The following HSPG2 variants were observed in gnomAD, a reference collection of about 807,000 sequenced individuals.
HSPG2 encodes basement membrane-specific heparan sulfate proteoglycan core protein.
In HSPG2, 278 loss-of-function variants were observed where a neutral mutation model predicts 526.6. The observed-to-expected ratio is 0.53, with a 90% CI of 0.48 to 0.58. The LOEUF (loss-of-function observed/expected upper bound fraction) is 0.58, where lower values mean the gene tolerates loss of function less well. Among genes scored for constraint, HSPG2 ranks in the 20% least tolerant of loss-of-function variants. HSPG2 has a pLI of 0.00. For synonymous variants in HSPG2, 2,465 were observed against 2,555.4 expected (o/e 0.96, Z 1.07); for missense variants, 5,354 against 6,099.5 (o/e 0.88, Z 4.07).
intron 1 of HSPG2, among the ~76,000 whole-genome samples, chr1:21,935,165 A>G (rs1043246311): frequency 1.3e-5 from 2 of 152,036 alleles, no homozygotes; most frequent in African/African-American, 2.4e-5. Flanking sequence ...GTGGCCTCCC[A>G]AAGTGCTGGG....
Position 21,908,287 on chromosome 1 carries a change from G to T in HSPG2, c.64-11977C>A, listed in dbSNP as rs906540717. 4.8e-6 allele frequency: 5 copies of T among 1,043,092 alleles called. No individual in the cohort carries two copies. The African/African-American group carries it at 7.8e-5, about 16-fold the overall frequency. The allele number at this position is 1,043,092 out of a possible 1,614,324, so 64.6% of individuals were successfully genotyped here. A position where few individuals can be genotyped will look rare whatever the true frequency, so the allele number is the denominator to read the frequency against. ...GTGTTACCATGGCAAAACTGGAAGAGTCTACAATGTTATCCAGTATGCTGC... is the reference window on the plus strand; with the variant it reads ...GTGTTACCATGGCAAAACTGGAAGATTCTACAATGTTATCCAGTATGCTGC... On this transcript the variant is annotated intron_variant, in intron 1 of 96. Coordinates refer to ENST00000374695, the MANE Select transcript of HSPG2 (RefSeq NM_005529.7).
chr1:21,872,764 G>T lies in HSPG2; in HGVS notation c.3889-4C>A. ...AAGTGAGGCCTTCCACCTGGGCCTG[G>T]GTAGACGGATGGAAGGAGGCAGGCA... On this transcript the variant is annotated splice_polypyrimidine_tract_variant and splice_region_variant and intron_variant, in intron 31 of 96. Transcript: ENST00000374695. The surrounding 1 kb of genome is among the most constrained non-coding windows in gnomAD (Gnocchi z 5.5). 1 of 1,607,758 alleles carries T rather than the reference G, an allele frequency of 6.2e-7. No individual in the cohort carries two copies. The highest frequency in any genetic ancestry group is 1.7e-5 in the Admixed American group (1 of 58,508).
At chr1:21,926,256 G>A (rs1644187819) in intron 1 of HSPG2, among the ~76,000 whole-genome samples, 1 of 152,204 alleles carries the variant, frequency 6.6e-6, no homozygotes, top group South Asian at 2.1e-4. Flanking sequence ...GCTCTAAAGA[G>A]GGTGGCAGTT....
At position 21,859,577 on chromosome 1, in the gene HSPG2, A is replaced by G. The variant is rs1466369320; in HGVS notation, c.5282T>C (p.Leu1761Pro). Reference sequence around the variant, plus strand: ...GCGTAGGGACTCACCAGTGACCAGCAGCTCTGCCCGGCTGGTATTGGATTG... The same window carrying G: ...GCGTAGGGACTCACCAGTGACCAGCGGCTCTGCCCGGCTGGTATTGGATTG... ...LHQSNTSRAELLVTEAPSKPI... is the reference protein window; with the variant it reads ...LHQSNTSRAEPLVTEAPSKPI... The change falls in exon 42 of 97, where the codon CTG becomes CCG. Residue 1761 changes from leucine (L) to proline (P), a missense_variant. Coordinates refer to ENST00000374695, the MANE Select transcript of HSPG2 (RefSeq NM_005529.7). The surrounding 1 kb of genome is among the most constrained non-coding windows in gnomAD (Gnocchi z 5.3). 1 of 1,597,850 alleles carries G rather than the reference A, an allele frequency of 6.3e-7. No individual in the cohort carries two copies. The highest frequency in any genetic ancestry group is 8.5e-7 in the Non-Finnish European group (1 of 1,171,608).
rs764778166 is a variant in HSPG2, at chr1:21,844,156, G to A, written c.8608C>T (p.Arg2870Trp). Residue 2870 changes from arginine to tryptophan, a missense_variant, in exon 65 of 97, where the codon CGG (arginine) becomes TGG (tryptophan). By Grantham distance (101) the Arg-to-Trp change is moderately radical. Coordinates refer to ENST00000374695, the MANE Select transcript of HSPG2 (RefSeq NM_005529.7). ...WHKRGGNLPA[R>W]HQVHGPLLRL... ...TTCTCCAGCTCCTTTACCTGGTGCC[G>A]GGCAGGGAGGTTTCCTCCACGCTTG... The A allele has an allele frequency of 1.2e-5, 20 of 1,613,074 alleles. No homozygotes were observed. Among genetic ancestry groups the A allele is most frequent in the Admixed American group, 1.2e-4 (7 of 60,028 alleles).
At chr1:21,928,556 T>G (rs1644266057) in intron 1 of HSPG2, among the ~76,000 whole-genome samples, 1 of 152,178 alleles carries the variant, frequency 6.6e-6, no homozygotes, top group African/African-American at 2.4e-5. Flanking sequence ...TTCTCCTACC[T>G]CAGCCTCCTG....
intron 1 of HSPG2, among the ~76,000 whole-genome samples, chr1:21,936,501 T>C (rs1644492381): frequency 6.6e-6 from 1 of 152,162 alleles, no homozygotes; most frequent in Admixed American, 6.5e-5. Context: ...GCCGTGCATT[T>C]TGAGTTCCCT....
At chr1:21,885,197 G>T in intron 10 of HSPG2, 40 bp from the exon 11 acceptor site, 1 of 1,600,814 alleles carries the variant, frequency 6.2e-7, no homozygotes, top group Non-Finnish European at 8.5e-7. Flanking sequence ...CGGGGGCAAA[G>T]GAAGGAGGAG....
chr1:21,914,884 A>T (rs572346812), intron 1 of HSPG2, among the ~76,000 whole-genome samples: 2 of 152,110 alleles, frequency 1.3e-5, no homozygotes, highest in East Asian at 3.9e-4. Flanking sequence ...CACCTGCCTG[A>T]CCCCCAAAAG....
At chr1:21,909,304 T>C (rs1303306375) in intron 1 of HSPG2, among the ~76,000 whole-genome samples, 1 of 151,834 alleles carries the variant, frequency 6.6e-6, no homozygotes, top group African/African-American at 2.4e-5. Flanking sequence ...TAAAGAAATA[T>C]AAGAAAAACT....
Position 21,823,314 on chromosome 1 carries a change from G to A in HSPG2, c.*2C>T. 1.3e-6 allele frequency: 2 copies of A among 1,528,734 alleles called. No individual in the cohort carries two copies. Among genetic ancestry groups the A allele is most frequent in the African/African-American group, 2.7e-5 (2 of 72,926 alleles). The allele number at this position is 1,528,734 out of a possible 1,614,324, so 94.7% of individuals were successfully genotyped here. ...GGGAGTCCGTGTGGGGCAGGCAGGT[G>A]CCTACGAGGGGCAGGGGCGTGTGTT... On this transcript the variant is annotated 3_prime_UTR_variant, in exon 97 of 97. Transcript: ENST00000374695.
At chr1:21,854,387 G>T (rs1639168334) in intron 49 of HSPG2, 44 bp from the exon 50 acceptor site, 1 of 1,551,158 alleles carries the variant, frequency 6.4e-7, no homozygotes, top group Non-Finnish European at 8.7e-7. Flanking sequence ...AGGGACGGGG[G>T]CTATTGTCAC....
rs1019598596 is a variant in HSPG2, at chr1:21,888,048, G to C, written c.593C>G (p.Ala198Gly). 6.2e-7 allele frequency: 1 copy of C among 1,614,074 alleles called. No individual in the cohort carries two copies. The highest frequency in any genetic ancestry group is 1.7e-5 in the Admixed American group (1 of 60,028). ...GCAGGCAAACTCGGCCTCCGTGCAG[G>C]CTCTTGGGAACTGGGGCACTGCAGG... ...RLGTVPQFPR[A>G]CTEAEFACHS... Residue 198 changes from alanine (A) to glycine (G), a missense_variant, in exon 7 of 97, where the codon GCC becomes GGC. Physicochemically the swap from Ala to Gly is moderately conservative, Grantham distance 60. Transcript: ENST00000374695.
chr1:21,887,096 G>A lies in HSPG2; in HGVS notation c.1078+119C>T, dbSNP rs1383234340. On this transcript the variant is annotated intron_variant, in intron 9 of 96. Transcript: ENST00000374695. The surrounding 1 kb of genome is among the most constrained non-coding windows in gnomAD (Gnocchi z 5.0). Reference sequence around the variant, plus strand: ...GGAGAGCAAACAAACAGGCTTGGGGGACTGGGGAGGGGGGAAAGCGGAGGG... The same window carrying A: ...GGAGAGCAAACAAACAGGCTTGGGGAACTGGGGAGGGGGGAAAGCGGAGGG... 1.7e-6 allele frequency: 2 copies of A among 1,161,166 alleles called. No homozygotes were observed. The highest frequency in any genetic ancestry group is 3.1e-5 in the African/African-American group (2 of 64,496). 71.9% of individuals were successfully genotyped at this position (1,161,166 alleles called of 1,614,324 possible). A position where few individuals can be genotyped will look rare whatever the true frequency, so the allele number is the denominator to read the frequency against.
Position 21,823,414 on chromosome 1 carries a change from C to G in HSPG2, c.13078G>C (p.Val4360Leu). 1 of 1,582,756 alleles carries G rather than the reference C, an allele frequency of 6.3e-7. No individual in the cohort carries two copies. Among genetic ancestry groups the G allele is most frequent in the Non-Finnish European group, 8.6e-7 (1 of 1,169,280 alleles). The change falls in exon 97 of 97, where the codon GTG becomes CTG. Residue 4360 changes from valine (V) to leucine (L), a missense_variant. Transcript: ENST00000374695. ...GCGCCGGGTCGGGCCGAGTGCAGCA[C>G]CAGGTTCTTGACACAGCCTGTGATG... ...SGITGCVKNL[V>L]LHSARPGAPP...
rs371718047 is a variant in HSPG2, at chr1:21,895,653, T to G, written c.244+269A>C. Among the ~76,000 whole-genome samples the G allele has an allele frequency of 2.6e-5, 4 of 152,190 alleles. No individual in the cohort carries two copies. The highest frequency in any genetic ancestry group is 2.6e-4 in the Admixed American group (4 of 15,290). On this transcript the variant is annotated intron_variant, in intron 3 of 96. Transcript: ENST00000374695. This position sits in a 1 kb window ranked among gnomAD's most constrained non-coding sequence, Gnocchi z 4.1. Reference sequence around the variant, plus strand: ...TGAATGTGAAACAGCTGACTGGCTGTCAGTCCCCAGCAGAACTGGGCTTTA... The same window carrying G: ...TGAATGTGAAACAGCTGACTGGCTGGCAGTCCCCAGCAGAACTGGGCTTTA...
chr1:21,919,370 G>A (rs1643968530), intron 1 of HSPG2, among the ~76,000 whole-genome samples: 2 of 150,202 alleles, frequency 1.3e-5, no homozygotes, highest in Admixed American at 6.7e-5. Context: ...AGGTTGCAGT[G>A]AGCCAAGATT....
intron 57 of HSPG2, 127 bp from the exon 58 acceptor site, chr1:21,849,158 GA>G (rs1480634409): frequency 9.0e-7 from 1 of 1,109,326 alleles, no homozygotes; most frequent in Non-Finnish European, 1.3e-6. Flanking sequence ...CTCTTCCAGG[GA>G]AAACCACCTT....
chr1:21,887,855 C>T lies in HSPG2; in HGVS notation c.703+83G>A. ...CTGCCTGCACCAAACCCTCATAGTC[C>T]TTGATGGGCTCCAAGACCCAGGTGT... On this transcript the variant is annotated intron_variant, in intron 7 of 96. Coordinates refer to ENST00000374695, the MANE Select transcript of HSPG2 (RefSeq NM_005529.7). This position sits in a 1 kb window ranked among gnomAD's most constrained non-coding sequence, Gnocchi z 5.0. 1 of 1,604,834 alleles carries T rather than the reference C, an allele frequency of 6.2e-7. No individual in the cohort carries two copies. Among genetic ancestry groups the T allele is most frequent in the Non-Finnish European group, 8.5e-7 (1 of 1,173,380 alleles).
Sources: allele counts gnomAD v4.1 joint callset (sites outside exome capture counted in the v4.1 genomes callset), GRCh38; gene constraint gnomAD v4.1.1; non-coding constraint Gnocchi (gnomAD v3.1); transcripts MANE v1.5; gene names NCBI Gene and HGNC (gene_info 2026-07-23, HGNC 2026-07-21).